OSGEPL1: variants seen among roughly 807,000 people sequenced by gnomAD.
OSGEPL1 encodes O-sialoglycoprotein endopeptidase like 1.
OSGEPL1 carries 26 observed loss-of-function variants against 37.2 expected under a neutral mutation model. That is an observed-to-expected ratio of 0.70 (90% CI 0.51 to 0.97). The LOEUF (loss-of-function observed/expected upper bound fraction) is 0.97. OSGEPL1 is among the 50% of genes least tolerant of loss of function. The probability of loss-of-function intolerance (pLI) is 0.00; values close to 1 mark genes in which losing one functional copy is unlikely to be tolerated. For synonymous variants in OSGEPL1, 140 were observed against 159.9 expected (o/e 0.88, Z 0.94); for missense variants, 404 against 487.0 (o/e 0.83, Z 1.60).
intron 3 of OSGEPL1, 106 bp downstream of exon 3, chr2:189,755,067 G>T: frequency 1.5e-6 from 2 of 1,348,330 alleles, no homozygotes; most frequent in Admixed American, 2.8e-5. Flanking sequence ...AGTTTACTAA[G>T]ATAAAATTCA....
intron 2 of OSGEPL1, among the ~76,000 whole-genome samples, chr2:189,755,940 AT>A (rs1381082663): frequency 6.6e-6 from 1 of 152,208 alleles, no homozygotes; most frequent in African/African-American, 2.4e-5. Flanking sequence ...CTGCGAAAGT[AT>A]TTGTGTAAAA....
chr2:189,747,534 T>A (rs2044333934), intron 8 of OSGEPL1, among the ~76,000 whole-genome samples: 1 of 152,142 alleles, frequency 6.6e-6, no homozygotes. Context: ...ATATTTATAG[T>A]GTCTTTGGTT....
intron 8 of OSGEPL1, among the ~76,000 whole-genome samples, chr2:189,748,750 AT>A (rs2044583790): frequency 6.6e-6 from 1 of 152,156 alleles, no homozygotes; most frequent in South Asian, 2.1e-4. Context: ...TTCTGTAGAT[AT>A]TTTTAAAAGC....
intron 2 of OSGEPL1, among the ~76,000 whole-genome samples, chr2:189,757,257 T>C (rs1007441945): frequency 2.6e-5 from 4 of 152,060 alleles, no homozygotes; most frequent in Admixed American, 1.3e-4. Flanking sequence ...GGGAGATGGA[T>C]TTACTATGAA....
At position 189,762,688 on chromosome 2, in the gene OSGEPL1, C is replaced by T; in HGVS notation, c.-24G>A. ...AAGAGTGAGCAATTTCACCCACCTTCCACTTGGGCGGCAGTAGCTAGCACT... is the reference window on the plus strand; with the variant it reads ...AAGAGTGAGCAATTTCACCCACCTTTCACTTGGGCGGCAGTAGCTAGCACT... On this transcript the variant is annotated 5_prime_UTR_variant, in exon 1 of 9. Coordinates refer to ENST00000264151, the MANE Select transcript of OSGEPL1 (RefSeq NM_022353.3). 1.0e-6 allele frequency: 1 copy of T among 985,418 alleles called. No homozygotes were observed. Among genetic ancestry groups the T allele is most frequent in the Non-Finnish European group, 1.2e-6 (1 of 829,950 alleles). 61.0% of individuals were successfully genotyped at this position (985,418 alleles called of 1,614,324 possible).
At position 189,761,597 on chromosome 2, in the gene OSGEPL1, G is replaced by C. The variant is rs1273704994; in HGVS notation, c.44C>G (p.Ser15Ter). 1 of 1,607,000 alleles carries C rather than the reference G, an allele frequency of 6.2e-7. No individual in the cohort carries two copies. The highest frequency in any genetic ancestry group is 1.3e-5 in the African/African-American group (1 of 74,454). The change falls in exon 2 of 9, where the codon TCA becomes TGA. Residue 15 changes from serine to a stop codon, truncating the protein, a stop_gained. Transcript: ENST00000264151. LOFTEE classifies it high-confidence loss of function. Reference protein sequence around the residue: ...TKTAGVFFKPSKRKVYEFLRS... With the variant: ...TKTAGVFFKP Reference sequence around the variant, plus strand: ...TAAAAATTCATAAACTTTCCTTTTTGATGGTTTAAAAAAAACTCCTGCAGT... The same window carrying C: ...TAAAAATTCATAAACTTTCCTTTTTCATGGTTTAAAAAAAACTCCTGCAGT...
chr2:189,759,253 CTT>C (rs111345865), intron 2 of OSGEPL1, among the ~76,000 whole-genome samples: 7 of 144,512 alleles, frequency 4.8e-5, no homozygotes, highest in Non-Finnish European at 6.1e-5. Context: ...GTTAATTTTC[CTT>C]TTTTTTTTTT....
chr2:189,757,830 C>G (rs1439320715), intron 2 of OSGEPL1, among the ~76,000 whole-genome samples: 1 of 152,292 alleles, frequency 6.6e-6, no homozygotes, highest in African/African-American at 2.4e-5. Context: ...ATCACTGAAG[C>G]CTGTTTGCCC....
chr2:189,758,097 T>C (rs1432327716), intron 2 of OSGEPL1, among the ~76,000 whole-genome samples: 1 of 151,980 alleles, frequency 6.6e-6, no homozygotes, highest in African/African-American at 2.4e-5. Context: ...TGTTTAAAAG[T>C]GTGGGCCGGG....
At chr2:189,748,955 T>C (rs114745029) in intron 8 of OSGEPL1, among the ~76,000 whole-genome samples, 1 of 152,134 alleles carries the variant, frequency 6.6e-6, no homozygotes, top group African/African-American at 2.4e-5. Context: ...CTATAAAGAT[T>C]ATTTTTATTG....
At chr2:189,758,795 C>A (rs990990820) in intron 2 of OSGEPL1, among the ~76,000 whole-genome samples, 1 of 152,184 alleles carries the variant, frequency 6.6e-6, no homozygotes, top group African/African-American at 2.4e-5. Context: ...TATACATACA[C>A]AAGCAAATGT....
intron 5 of OSGEPL1, 73 bp downstream of exon 5, chr2:189,753,842 CA>C (rs2045662303): frequency 6.7e-7 from 1 of 1,489,276 alleles, no homozygotes; most frequent in African/African-American, 1.4e-5. Flanking sequence ...ATCCTAAACA[CA>C]AGGTCAAGGT....
chr2:189,753,860 A>G, intron 5 of OSGEPL1, 56 bp downstream of exon 5: 10 of 1,577,036 alleles, frequency 6.3e-6, no homozygotes, highest in Non-Finnish European at 7.8e-6. Flanking sequence ...AGGTCTTGGG[A>G]AAAAAGTAAC....
chr2:189,753,957 A>G lies in OSGEPL1; in HGVS notation c.922T>C (p.Cys308Arg), dbSNP rs746112450. The G allele has an allele frequency of 1.9e-6, 3 of 1,613,812 alleles. No homozygotes were observed. Among genetic ancestry groups the G allele is most frequent in the Admixed American group, 3.3e-5 (2 of 60,018 alleles). ...TGAGGTAACAAGTCTCTCTGCTTAC[A>G]AAACAGAATAGCCCGATGTGTTCTT... is the stretch of plus-strand genomic sequence containing the variant. ...VKRTHRAILF[C>R]KQRDLLPQNN... The change falls in exon 5 of 9, where the codon TGT (cysteine) becomes CGT (arginine). Residue 308 changes from cysteine (C) to arginine (R), a missense_variant. Cys to Arg is a radical substitution (Grantham distance 180, BLOSUM62 -3). Coordinates refer to ENST00000264151, the MANE Select transcript of OSGEPL1 (RefSeq NM_022353.3).
At chr2:189,761,771 G>T in intron 1 of OSGEPL1, 111 bp from the exon 2 acceptor site, 1 of 1,105,222 alleles carries the variant, frequency 9.0e-7, no homozygotes, top group Non-Finnish European at 1.2e-6. Context: ...GTCACCAAAA[G>T]TTTGTAAAGG....
At position 189,752,880 on chromosome 2, in the gene OSGEPL1, G is replaced by C. The variant is rs1189085110; in HGVS notation, c.1063C>G (p.Leu355Val). 6.2e-7 allele frequency: 1 copy of C among 1,613,896 alleles called. No individual in the cohort carries two copies. Among genetic ancestry groups the C allele is most frequent in the Admixed American group, 1.7e-5 (1 of 60,022 alleles). The change falls in exon 6 of 9, where the codon CTA (leucine) becomes GTA (valine). Residue 355 changes from leucine (L) to valine (V), a missense_variant. Coordinates refer to ENST00000264151, the MANE Select transcript of OSGEPL1 (RefSeq NM_022353.3). Reference sequence around the variant, plus strand: ...ATCATAATGCCATTATCAGTGCATAGTCTGGGAGGAGGACACAACAAAGTG... The same window carrying C: ...ATCATAATGCCATTATCAGTGCATACTCTGGGAGGAGGACACAACAAAGTG... The part of the protein sequence containing the change: ...QCTLLCPPPR[L>V]CTDNGIMIAW...
At chr2:189,760,417 G>A (rs1337079531) in intron 2 of OSGEPL1, among the ~76,000 whole-genome samples, 2 of 152,100 alleles carry the variant, frequency 1.3e-5, no homozygotes, top group East Asian at 1.9e-4. Flanking sequence ...GCTGCTGGGC[G>A]GGGGCGCCCC....
chr2:189,746,782 G>A lies in OSGEPL1; in HGVS notation c.*415C>T, dbSNP rs1046196. On this transcript the variant is annotated 3_prime_UTR_variant, in exon 9 of 9. Transcript: ENST00000264151. ...CAGATTTTCCTTAGCATGTCTACAGGAATTTAGTGTCAGGTCAGAGTTATG... is the reference window on the plus strand; with the variant it reads ...CAGATTTTCCTTAGCATGTCTACAGAAATTTAGTGTCAGGTCAGAGTTATG... The A allele has an allele frequency of 0.027, 22,927 of 835,606 alleles. 496 individuals carry two copies. The highest frequency in any genetic ancestry group is 0.069 in the African/African-American group (3,895 of 56,328). 51.8% of individuals were successfully genotyped at this position (835,606 alleles called of 1,614,324 possible). A position where few individuals can be genotyped will look rare whatever the true frequency, so the allele number is the denominator to read the frequency against.
chr2:189,762,556 G>T (rs777203013), intron 1 of OSGEPL1, 129 bp downstream of exon 1: 18 of 979,158 alleles, frequency 1.8e-5, no homozygotes, highest in Non-Finnish European at 2.1e-5. Flanking sequence ...AAAGCTGCAG[G>T]CTGAACCCAC....
Sources: gnomAD v4.1 joint callset for allele counts (sites outside exome capture counted in the v4.1 genomes callset) on GRCh38, gnomAD v4.1.1 for gene constraint, MANE v1.5 for transcripts, NCBI Gene and HGNC (gene_info 2026-07-23, HGNC 2026-07-21) for gene names.